The following PDPK1 variants were observed in gnomAD, a reference collection of about 807,000 sequenced individuals.
PDPK1 encodes 3-phosphoinositide-dependent protein kinase 1.
A neutral mutation model predicts 39.8 loss-of-function variants in PDPK1; 7 were observed. The observed-to-expected ratio is 0.18, with a 90% CI of 0.10 to 0.33. PDPK1 has a LOEUF of 0.33. Ranked by LOEUF, PDPK1 falls within the 10% of genes least tolerant of loss-of-function variation. PDPK1 has a pLI of 1.00. For synonymous variants in PDPK1, 118 were observed against 159.1 expected (o/e 0.74, Z 1.95); for missense variants, 182 against 384.7 (o/e 0.47, Z 4.41).
intron 1 of PDPK1, among the ~76,000 whole-genome samples, chr16:2,543,716 TTTTGTTA>T (rs1333149551): frequency 6.6e-5 from 10 of 152,126 alleles, no homozygotes; most frequent in African/African-American, 2.2e-4. Flanking sequence ...CTGCTGGGTT[TTTTGTTA>T]TTTGTTTTTT....
intron 1 of PDPK1, among the ~76,000 whole-genome samples, chr16:2,539,975 G>C (rs938881584): frequency 1.1e-4 from 17 of 152,216 alleles, no homozygotes; most frequent in African/African-American, 4.1e-4. Flanking sequence ...AAGAATGATA[G>C]AATGCAAGAT....
chr16:2,539,121 G>C (rs72768733), intron 1 of PDPK1: 4 of 200,630 alleles, frequency 2.0e-5, no homozygotes, highest in South Asian at 5.7e-5. Flanking sequence ...CTCTCGACGC[G>C]CAGGCTGGAG....
At chr16:2,544,787 T>C (rs1269370828) in intron 1 of PDPK1, among the ~76,000 whole-genome samples, 2 of 152,118 alleles carry the variant, frequency 1.3e-5, no homozygotes, top group East Asian at 3.9e-4. Context: ...GGTTTCACCC[T>C]GTTAGCTAGG....
chr16:2,585,943 A>G (rs1003740305), intron 10 of PDPK1, among the ~76,000 whole-genome samples: 5 of 152,132 alleles, frequency 3.3e-5, no homozygotes, highest in African/African-American at 1.2e-4. Flanking sequence ...CTTGGCCTCC[A>G]CAGAGCTCAG....
At chr16:2,544,227 C>A (rs973169730) in intron 1 of PDPK1, among the ~76,000 whole-genome samples, 1 of 152,158 alleles carries the variant, frequency 6.6e-6, no homozygotes, top group African/African-American at 2.4e-5. Flanking sequence ...GTGTTTCTAC[C>A]TGAAGAGACC....
intron 1 of PDPK1, among the ~76,000 whole-genome samples, chr16:2,539,709 A>G (rs987153405): frequency 6.6e-6 from 1 of 152,194 alleles, no homozygotes; most frequent in African/African-American, 2.4e-5. Flanking sequence ...GGCTCAGTGG[A>G]GGCTGGGGCC....
chr16:2,562,041 GGAGGCAGCC>G (rs1239329734), intron 4 of PDPK1, 133 bp downstream of exon 4: 2 of 118,786 alleles, frequency 1.7e-5, no homozygotes, highest in Non-Finnish European at 3.5e-5. Flanking sequence ...TGACATTCAG[GGAGGCAGCC>G]GAGGCAGCGC....
Position 2,597,855 on chromosome 16 carries a change from GC to G in PDPK1, c.*90del. The G allele has an allele frequency of 2.5e-6, 2 of 797,520 alleles. No individual in the cohort carries two copies. The highest frequency in any genetic ancestry group is 4.2e-6 in the Non-Finnish European group (2 of 471,890). 49.4% of individuals were successfully genotyped at this position (797,520 alleles called of 1,614,324 possible). Reference sequence around the variant, plus strand: ...CATCCGGGACGCTTCCAGACCACCTGCCAGCCATCACAAGGGGAACGCAGAG... The same window carrying G: ...CATCCGGGACGCTTCCAGACCACCTGCAGCCATCACAAGGGGAACGCAGAG... On this transcript the variant is annotated 3_prime_UTR_variant, in exon 14 of 14. Transcript: ENST00000342085. This position sits in a 1 kb window ranked among gnomAD's most constrained non-coding sequence, Gnocchi z 6.3.
intron 1 of PDPK1, among the ~76,000 whole-genome samples, chr16:2,540,210 C>T (rs531550477): frequency 4.6e-4 from 70 of 152,312 alleles, no homozygotes; most frequent in African/African-American, 1.6e-3. Flanking sequence ...GCCCCCTTCC[C>T]AGTGAACTTT....
In PDPK1 at chr16:2,599,838, A is replaced by C. The variant is rs1028036690; in HGVS notation, c.*2071A>C. The C allele has an allele frequency of 8.6e-6, 2 of 233,874 alleles. No homozygotes were observed. Among genetic ancestry groups the C allele is most frequent in the African/African-American group, 4.4e-5 (2 of 45,380 alleles). The allele number at this position is 233,874 out of a possible 1,614,324, so 14.5% of individuals were successfully genotyped here. Reference sequence around the variant, plus strand: ...GGAGCAGGGACGTGGCTTTAATTGGAGCACTCGGCTGGGCTGCTTGGGGAG... The same window carrying C: ...GGAGCAGGGACGTGGCTTTAATTGGCGCACTCGGCTGGGCTGCTTGGGGAG... On this transcript the variant is annotated 3_prime_UTR_variant, in exon 14 of 14. Coordinates refer to ENST00000342085, the MANE Select transcript of PDPK1 (RefSeq NM_002613.5).
chr16:2,599,748 G>C lies in PDPK1; in HGVS notation c.*1981G>C, dbSNP rs2067177221. The stretch of plus-strand genomic sequence containing the variant: ...TATTTTACCCATCTCAGAACGTCCT[G>C]TGTCTCCATGTAGGAGAGTGGCTCT... On this transcript the variant is annotated 3_prime_UTR_variant, in exon 14 of 14. Transcript: ENST00000342085. The C allele has an allele frequency of 6.5e-6, 1 of 152,904 alleles. No individual in the cohort carries two copies. Among genetic ancestry groups the C allele is most frequent in the East Asian group, 7.0e-5 (1 of 14,262 alleles). 9.5% of individuals were successfully genotyped at this position (152,904 alleles called of 1,614,324 possible). A position where few individuals can be genotyped will look rare whatever the true frequency, so the allele number is the denominator to read the frequency against.
chr16:2,578,126 G>C (rs1488663734), intron 7 of PDPK1, among the ~76,000 whole-genome samples: 1 of 148,950 alleles, frequency 6.7e-6, no homozygotes. Flanking sequence ...GCCCCCCGTC[G>C]GGGTGGAGGG....
At chr16:2,586,533 A>G (rs2066878660) in intron 10 of PDPK1, 143 bp from the exon 11 acceptor site, 2 of 662,706 alleles carry the variant, frequency 3.0e-6, no homozygotes, top group Non-Finnish European at 5.3e-6. Context: ...ATGGAGGAGA[A>G]TCAGGGCTGC....
At chr16:2,590,085 T>C (rs13337637) in intron 11 of PDPK1, among the ~76,000 whole-genome samples, 7,043 of 152,256 alleles carry the variant, frequency 0.046, 538 homozygotes, top group African/African-American at 0.16. Context: ...CCTGGACCTG[T>C]CGCTTGGCCT....
In PDPK1 at chr16:2,593,099, T is replaced by G. The variant is rs1226196282; in HGVS notation, c.1344-2694T>G. 2.2e-6 allele frequency: 1 copy of G among 455,432 alleles called. No individual in the cohort carries two copies. Among genetic ancestry groups the G allele is most frequent in the Admixed American group, 2.4e-5 (1 of 42,550 alleles). The allele number at this position is 455,432 out of a possible 1,614,324, so 28.2% of individuals were successfully genotyped here. On this transcript the variant is annotated intron_variant, in intron 11 of 13. Transcript: ENST00000342085. The surrounding 1 kb of genome is among the most constrained non-coding windows in gnomAD (Gnocchi z 4.2). ...ATTTCCGAATCGCTTCCTCAGTGAG[T>G]CCTCCCCAGGCTGCAGGTGCCGAGC...
At position 2,598,391 on chromosome 16, in the gene PDPK1, T is replaced by C; in HGVS notation, c.*624T>C. 8.5e-6 allele frequency: 2 copies of C among 234,452 alleles called. No homozygotes were observed. Among genetic ancestry groups the C allele is most frequent in the Non-Finnish European group, 8.4e-6 (1 of 118,930 alleles). 14.5% of individuals were successfully genotyped at this position (234,452 alleles called of 1,614,324 possible). A position where few individuals can be genotyped will look rare whatever the true frequency, so the allele number is the denominator to read the frequency against. On this transcript the variant is annotated 3_prime_UTR_variant, in exon 14 of 14. Coordinates refer to ENST00000342085, the MANE Select transcript of PDPK1 (RefSeq NM_002613.5). ...TCTGGTGGCAGCTTTCTGTGGCCCC[T>C]GCTGTGTTGGCAGGCAGGTTTGCGT...
rs927078148 is a variant in PDPK1 at position 2,601,485 on chromosome 16, G to T, written c.*3718G>T. 1.3e-5 allele frequency: 3 copies of T among 234,392 alleles called. No homozygotes were observed. The highest frequency in any genetic ancestry group is 2.5e-5 in the Non-Finnish European group (3 of 117,856). 14.5% of individuals were successfully genotyped at this position (234,392 alleles called of 1,614,324 possible). A position where few individuals can be genotyped will look rare whatever the true frequency, so the allele number is the denominator to read the frequency against. On this transcript the variant is annotated 3_prime_UTR_variant, in exon 14 of 14. Coordinates refer to ENST00000342085, the MANE Select transcript of PDPK1 (RefSeq NM_002613.5). ...CGCTTGGCAGAATCTTGTACTTCGT[G>T]TCCACAATGGTACTGAATTTGCATC...
intron 11 of PDPK1, among the ~76,000 whole-genome samples, chr16:2,595,301 T>C (rs2142007163): frequency 6.6e-6 from 1 of 152,374 alleles, no homozygotes; most frequent in Middle Eastern, 3.4e-3. Context: ...AACTTGGGTC[T>C]GTCAGAGCTT....
intron 1 of PDPK1, chr16:2,539,561 C>G (rs1023562741): frequency 2.0e-5 from 3 of 152,142 alleles, no homozygotes; most frequent in Admixed American, 2.0e-4. Flanking sequence ...CACTCGTGGA[C>G]TTTGTAGAGA....
Sources: gnomAD v4.1 joint callset for allele counts (sites outside exome capture counted in the v4.1 genomes callset) on GRCh38, gnomAD v4.1.1 for gene constraint, Gnocchi (gnomAD v3.1) non-coding constraint, MANE v1.5 for transcripts, NCBI Gene and HGNC (gene_info 2026-07-23, HGNC 2026-07-21) for gene names.